The following CRPPA variants were observed in gnomAD, a reference collection of about 807,000 sequenced individuals.
CRPPA encodes CDP-L-ribitol pyrophosphorylase A.
Under a neutral mutation model 52.0 loss-of-function variants are expected in CRPPA, and 43 were observed. The ratio of observed to expected loss-of-function variants is 0.83; its 90% CI spans 0.65 to 1.07. The LOEUF (loss-of-function observed/expected upper bound fraction) is 1.07. CRPPA is among the 50% of genes least tolerant of loss of function. The probability of loss-of-function intolerance (pLI) is 0.00; values close to 1 mark genes in which losing one functional copy is unlikely to be tolerated. For missense variants in CRPPA, 629 were observed against 551.7 expected, an observed-to-expected ratio of 1.14 and a Z score of -1.40; for synonymous variants, 250 against 203.5, an observed-to-expected ratio of 1.23 and a Z score of -1.94.
At chr7:16,232,982 T>C (rs1326479896) in intron 8 of CRPPA, among the ~76,000 whole-genome samples, 1 of 152,098 alleles carries the variant, frequency 6.6e-6, no homozygotes, top group East Asian at 1.9e-4. Context: ...ACTGAACATA[T>C]TAAGCACAGA....
At chr7:16,222,493 C>T (rs1360591979) in intron 8 of CRPPA, among the ~76,000 whole-genome samples, 4 of 151,550 alleles carry the variant, frequency 2.6e-5, no homozygotes, top group African/African-American at 7.3e-5. Flanking sequence ...TATTCTATTT[C>T]GCTTACAGTC....
At chr7:16,324,087 C>T (rs1010754814) in intron 3 of CRPPA, among the ~76,000 whole-genome samples, 1 of 152,142 alleles carries the variant, frequency 6.6e-6, no homozygotes, top group Non-Finnish European at 1.5e-5. Flanking sequence ...CAAAATGAAA[C>T]ACCTCTTATT....
chr7:16,290,130 C>T (rs1270336755), intron 5 of CRPPA, among the ~76,000 whole-genome samples: 4 of 151,780 alleles, frequency 2.6e-5, no homozygotes, highest in South Asian at 2.1e-4. Flanking sequence ...AACTACAAAA[C>T]GCTAATGAAA....
intron 8 of CRPPA, among the ~76,000 whole-genome samples, chr7:16,230,142 G>A (rs1352438808): frequency 1.3e-5 from 2 of 151,882 alleles, no homozygotes; most frequent in Non-Finnish European, 2.9e-5. Flanking sequence ...AAATTTGATT[G>A]GAGACCTTTG....
chr7:16,330,310 A>G (rs1461708638), intron 3 of CRPPA, among the ~76,000 whole-genome samples: 1 of 152,214 alleles, frequency 6.6e-6, no homozygotes, highest in East Asian at 1.9e-4. Context: ...TTAAAACAAG[A>G]TCGTCAAGAC....
chr7:16,282,411 G>A (rs754966937), intron 5 of CRPPA, among the ~76,000 whole-genome samples: 1 of 151,922 alleles, frequency 6.6e-6, no homozygotes, highest in East Asian at 1.9e-4. Context: ...AAATTTGGTG[G>A]TTTAAACACC....
At chr7:16,244,070 A>G (rs1404010422) in intron 8 of CRPPA, among the ~76,000 whole-genome samples, 11 of 152,204 alleles carry the variant, frequency 7.2e-5, no homozygotes, top group African/African-American at 2.4e-4. Context: ...AACATAACCT[A>G]AAGGATTTTA....
intron 1 of CRPPA, among the ~76,000 whole-genome samples, chr7:16,409,633 T>A (rs1422780033): frequency 6.6e-6 from 1 of 152,236 alleles, no homozygotes; most frequent in Non-Finnish European, 1.5e-5. Flanking sequence ...TAATAGCCAA[T>A]ATAAATTAAG....
intron 9 of CRPPA, among the ~76,000 whole-genome samples, chr7:16,163,983 C>T (rs1218593688): frequency 2.0e-5 from 3 of 152,018 alleles, no homozygotes; most frequent in Non-Finnish European, 4.4e-5. Context: ...CTGACAATTA[C>T]GTGTCTTGGG....
intron 9 of CRPPA, among the ~76,000 whole-genome samples, chr7:16,184,237 G>A (rs535536106): frequency 9.9e-5 from 15 of 152,150 alleles, no homozygotes; most frequent in African/African-American, 2.2e-4. Flanking sequence ...CACCACGCCC[G>A]GCCTGGTATT....
At chr7:16,295,280 A>G (rs1388760068) in intron 5 of CRPPA, among the ~76,000 whole-genome samples, 2 of 152,140 alleles carry the variant, frequency 1.3e-5, no homozygotes, top group African/African-American at 4.8e-5. Context: ...TGAACCAACA[A>G]GAATTTCAGA....
intron 2 of CRPPA, among the ~76,000 whole-genome samples, chr7:16,396,176 T>A (rs1338015514): frequency 6.6e-6 from 1 of 152,180 alleles, no homozygotes; most frequent in Admixed American, 6.5e-5. Context: ...CTTATCCCCA[T>A]GCAGAAGCCA....
At chr7:16,359,110 T>C (rs1191602136) in intron 3 of CRPPA, among the ~76,000 whole-genome samples, 3 of 152,132 alleles carry the variant, frequency 2.0e-5, no homozygotes, top group Non-Finnish European at 4.4e-5. Context: ...TTAATAACCT[T>C]GATGTTGTGT....
rs150498349 is a variant in CRPPA, at chr7:16,092,177, T to C, written c.1252-378A>G. 3.0e-4 allele frequency among the ~76,000 whole-genome samples: 45 copies of C among 152,304 alleles called. No homozygotes were observed. The Middle Eastern group carries it at 0.02, about 69-fold the overall frequency. ...GTTTCTGAGTGTTCTCCAACTTTGT[T>C]ATGAACTGTTTGTGAGTACCGGTAT... is the stretch of plus-strand genomic sequence containing the variant. On this transcript the variant is annotated intron_variant, in intron 9 of 9. Transcript: ENST00000407010.
intron 3 of CRPPA, among the ~76,000 whole-genome samples, chr7:16,353,140 G>A (rs2128308102): frequency 6.6e-6 from 1 of 152,176 alleles, no homozygotes; most frequent in East Asian, 1.9e-4. Flanking sequence ...AGAATTGCTT[G>A]AGCCCAGGAG....
At chr7:16,378,583 G>A (rs1786974546) in intron 2 of CRPPA, among the ~76,000 whole-genome samples, 1 of 152,038 alleles carries the variant, frequency 6.6e-6, no homozygotes, top group South Asian at 2.1e-4. Flanking sequence ...GTGTGCATGT[G>A]TCTTTAGAGC....
intron 5 of CRPPA, among the ~76,000 whole-genome samples, chr7:16,287,332 T>C (rs1323166985): frequency 6.6e-6 from 1 of 152,182 alleles, no homozygotes; most frequent in Admixed American, 6.5e-5. Context: ...TTTTTTGTCC[T>C]TCTCTTCCAC....
intron 9 of CRPPA, among the ~76,000 whole-genome samples, chr7:16,163,321 G>A (rs1780958149): frequency 6.6e-6 from 1 of 151,642 alleles, no homozygotes; most frequent in East Asian, 1.9e-4. Context: ...TTTTATCAGA[G>A]ACCAGGATTG....
rs150719002 is a variant in CRPPA at position 16,322,204 on chromosome 7, G to T, written c.685-13577C>A. Among the ~76,000 whole-genome samples the T allele has an allele frequency of 4.1e-3, 631 of 152,250 alleles. 2 individuals are homozygous for T. Among genetic ancestry groups the T allele is most frequent in the African/African-American group, 0.014 (576 of 41,562 alleles). The stretch of plus-strand genomic sequence containing the variant: ...AATATACGTAATATTGGCTTTGGAA[G>T]CTGGCACCAGGAGGCAAAGAAATAA... On this transcript the variant is annotated intron_variant, in intron 3 of 9. Transcript: ENST00000407010.
Sources: allele counts gnomAD v4.1 joint callset (sites outside exome capture counted in the v4.1 genomes callset), GRCh38; gene constraint gnomAD v4.1.1; transcripts MANE v1.5; gene names NCBI Gene and HGNC (gene_info 2026-07-23, HGNC 2026-07-21).